PDE10A: variants seen among roughly 807,000 people sequenced by gnomAD.
PDE10A encodes the protein phosphodiesterase 10A, also known as cAMP and cAMP-inhibited cGMP 3',5'-cyclic phosphodiesterase 10A.
A neutral mutation model predicts 97.7 loss-of-function variants in PDE10A; 39 were observed. The ratio of observed to expected loss-of-function variants is 0.40; its 90% confidence interval spans 0.31 to 0.52. The LOEUF (loss-of-function observed/expected upper bound fraction) is 0.52. PDE10A is among the 20% of genes least tolerant of loss of function. The probability of loss-of-function intolerance (pLI) is 0.56; values close to 1 mark genes in which losing one functional copy is unlikely to be tolerated. For synonymous variants in PDE10A, 371 were observed against 376.8 expected, an observed-to-expected ratio of 0.98 and a Z score of 0.18; for missense variants, 731 against 1,047.8, an observed-to-expected ratio of 0.70 and a Z score of 4.17.
intron 2 of PDE10A, among the ~76,000 whole-genome samples, chr6:165,530,232 G>C (rs1245825468): frequency 4.6e-5 from 7 of 151,826 alleles, no homozygotes; most frequent in Non-Finnish European, 1.0e-4. Context: ...ACTTGTGATT[G>C]TGTAAGTTAA....
At chr6:165,466,778 C>T (rs1406357853) in intron 3 of PDE10A, among the ~76,000 whole-genome samples, 1 of 152,100 alleles carries the variant, frequency 6.6e-6, no homozygotes, top group African/African-American at 2.4e-5. Context: ...ATTAATAACT[C>T]TACAATGATC....
chr6:165,455,400 C>T (rs895655641), intron 3 of PDE10A, among the ~76,000 whole-genome samples: 1 of 152,170 alleles, frequency 6.6e-6, no homozygotes, highest in African/African-American at 2.4e-5. Context: ...CAGAACTCCG[C>T]ACTGAAGGAT....
intron 1 of PDE10A, among the ~76,000 whole-genome samples, chr6:165,610,708 C>T (rs1787454175): frequency 6.6e-6 from 1 of 152,192 alleles, no homozygotes; most frequent in African/African-American, 2.4e-5. Context: ...ACCTCATGGA[C>T]ATCTCTCGTC....
chr6:165,690,047 T>C (rs898338836), intron 1 of PDE10A, among the ~76,000 whole-genome samples: 1 of 152,184 alleles, frequency 6.6e-6, no homozygotes, highest in African/African-American at 2.4e-5. Flanking sequence ...TAGTTAACTA[T>C]AGAATATCGA....
At chr6:165,900,055 G>A (rs1437553164) in intron 1 of PDE10A, among the ~76,000 whole-genome samples, 1 of 152,216 alleles carries the variant, frequency 6.6e-6, no homozygotes, top group Admixed American at 6.5e-5. Context: ...ACTCCCACAG[G>A]TTCGCTGGTG....
chr6:165,441,343 TTC>T (rs1056024952), intron 5 of PDE10A, among the ~76,000 whole-genome samples: 2 of 152,222 alleles, frequency 1.3e-5, no homozygotes, highest in African/African-American at 4.8e-5. Flanking sequence ...TGCTTATACA[TTC>T]TTTGATGTGA....
intron 1 of PDE10A, among the ~76,000 whole-genome samples, chr6:165,578,990 T>C (rs988274169): frequency 1.3e-5 from 2 of 152,186 alleles, no homozygotes; most frequent in East Asian, 3.9e-4. Context: ...ACATTGAGCC[T>C]TGTAATCCAC....
chr6:165,600,065 C>T (rs769898995), intron 1 of PDE10A, among the ~76,000 whole-genome samples: 6 of 152,144 alleles, frequency 3.9e-5, no homozygotes, highest in African/African-American at 7.2e-5. Context: ...GGGGAATCCT[C>T]GCCACACCGC....
chr6:165,614,623 T>C (rs1787642276), intron 1 of PDE10A, among the ~76,000 whole-genome samples: 1 of 152,238 alleles, frequency 6.6e-6, no homozygotes, highest in African/African-American at 2.4e-5. Flanking sequence ...CTGCATTAAG[T>C]GTTCTCATTG....
intron 1 of PDE10A, among the ~76,000 whole-genome samples, chr6:165,653,390 T>C (rs1221276912): frequency 6.6e-6 from 1 of 152,004 alleles, no homozygotes; most frequent in Admixed American, 6.6e-5. Context: ...TGACGAAGCC[T>C]AGGAAGATGC....
At chr6:165,385,080 C>G (rs575475626) in intron 17 of PDE10A, among the ~76,000 whole-genome samples, 7 of 152,042 alleles carry the variant, frequency 4.6e-5, no homozygotes, top group African/African-American at 1.7e-4. Context: ...ATTTTAATGA[C>G]TGGAAGTTGG....
At chr6:165,986,190 G>A (rs1324521763) in intron 1 of PDE10A, 1 of 152,798 alleles carries the variant, frequency 6.5e-6, no homozygotes. Flanking sequence ...CTCCACCCTC[G>A]AGGGCTTTGC....
At chr6:165,608,445 CTTTT>C (rs571636832) in intron 1 of PDE10A, among the ~76,000 whole-genome samples, 1 of 151,672 alleles carries the variant, frequency 6.6e-6, no homozygotes, top group Non-Finnish European at 1.5e-5. Context: ...TGAACTCATC[CTTTT>C]TTTATGGCTG....
intron 1 of PDE10A, among the ~76,000 whole-genome samples, chr6:165,831,282 G>A (rs1287688994): frequency 1.5e-5 from 2 of 134,594 alleles, no homozygotes; most frequent in East Asian, 2.6e-4. Flanking sequence ...TGAGGCAGGA[G>A]AATGGTGTGA....
At chr6:165,494,460 G>A (rs1780410326) in intron 2 of PDE10A, among the ~76,000 whole-genome samples, 1 of 148,962 alleles carries the variant, frequency 6.7e-6, no homozygotes, top group Admixed American at 6.7e-5. Context: ...AAATGTGGGG[G>A]GGGGTGTGTG....
At chr6:165,961,005 A>T (rs2128498281) in intron 1 of PDE10A, among the ~76,000 whole-genome samples, 1 of 151,644 alleles carries the variant, frequency 6.6e-6, no homozygotes, top group African/African-American at 2.4e-5. Context: ...AGAACGCATA[A>T]GGGGACCTGG....
chr6:165,525,191 TTTGAG>T (rs556491257), intron 2 of PDE10A, among the ~76,000 whole-genome samples: 1 of 152,046 alleles, frequency 6.6e-6, no homozygotes, highest in Non-Finnish European at 1.5e-5. Flanking sequence ...ACTTGAACTG[TTTGAG>T]TTATCTAATT....
At chr6:165,622,854 C>T (rs904871801) in intron 1 of PDE10A, among the ~76,000 whole-genome samples, 5 of 152,140 alleles carry the variant, frequency 3.3e-5, no homozygotes, top group South Asian at 4.1e-4. Flanking sequence ...GGTGGGGCCC[C>T]GTGGGAGGTG....
intron 1 of PDE10A, among the ~76,000 whole-genome samples, chr6:165,871,462 G>A (rs1217802182): frequency 2.6e-5 from 4 of 152,196 alleles, no homozygotes; most frequent in African/African-American, 7.2e-5. Context: ...AGGGGGACAG[G>A]AGAGAGGATT....
Sources: gnomAD v4.1 joint callset for allele counts (sites outside exome capture counted in the v4.1 genomes callset) on GRCh38, gnomAD v4.1.1 for gene constraint, MANE v1.5 for transcripts, NCBI Gene and HGNC (gene_info 2026-07-23, HGNC 2026-07-21) for gene names.